NR6A1: variants seen among roughly 807,000 people sequenced by gnomAD.
NR6A1 encodes nuclear receptor subfamily 6 group A member 1.
Under a neutral mutation model 59.1 loss-of-function variants are expected in NR6A1, and 7 were observed. The ratio of observed to expected loss-of-function variants is 0.12; its 90% CI spans 0.07 to 0.22. The LOEUF (loss-of-function observed/expected upper bound fraction) is 0.22, where lower values mean the gene tolerates loss of function less well. Ranked by LOEUF, NR6A1 falls within the 10% of genes least tolerant of loss-of-function variation. The pLI, the probability that NR6A1 is intolerant of heterozygous loss-of-function variation, is 1.00. For missense variants in NR6A1, 468 were observed against 611.6 expected (o/e 0.77, Z 2.48); for synonymous variants, 243 against 236.1 (o/e 1.03, Z -0.27).
intron 2 of NR6A1, among the ~76,000 whole-genome samples, chr9:124,573,107 G>GA (rs1036616941): frequency 6.6e-6 from 1 of 152,086 alleles, no homozygotes; most frequent in South Asian, 2.1e-4. Flanking sequence ...AATGGGGTGG[G>GA]AAAAAAGAAG....
At chr9:124,749,756 G>A (rs1840442075) in intron 1 of NR6A1, among the ~76,000 whole-genome samples, 1 of 152,076 alleles carries the variant, frequency 6.6e-6, no homozygotes, top group Non-Finnish European at 1.5e-5. Flanking sequence ...AGTATACCCT[G>A]CCCCGCTAAA....
At chr9:124,581,757 T>C (rs545260311) in intron 2 of NR6A1, among the ~76,000 whole-genome samples, 1 of 152,012 alleles carries the variant, frequency 6.6e-6, no homozygotes, top group East Asian at 1.9e-4. Flanking sequence ...ATTGAAAAAG[T>C]GGGCCGAGGA....
intron 4 of NR6A1, among the ~76,000 whole-genome samples, chr9:124,541,219 T>C (rs6478669): frequency 0.24 from 35,833 of 151,870 alleles, 11,323 homozygotes; most frequent in African/African-American, 0.72. Context: ...GAATATATTA[T>C]CATACATTTG....
chr9:124,651,810 G>A (rs2130922631), intron 2 of NR6A1, among the ~76,000 whole-genome samples: 1 of 152,164 alleles, frequency 6.6e-6, no homozygotes, highest in South Asian at 2.1e-4. Flanking sequence ...CATTTTCCTG[G>A]CAGCCATAGA....
At chr9:124,699,333 A>C (rs1361849676) in intron 2 of NR6A1, among the ~76,000 whole-genome samples, 1 of 152,226 alleles carries the variant, frequency 6.6e-6, no homozygotes, top group Admixed American at 6.5e-5. Flanking sequence ...GGTTAAAAGA[A>C]GGCCTTTTCT....
At chr9:124,756,083 T>C (rs1167965833) in intron 1 of NR6A1, among the ~76,000 whole-genome samples, 2 of 152,248 alleles carry the variant, frequency 1.3e-5, no homozygotes, top group Non-Finnish European at 2.9e-5. Flanking sequence ...ACTTTAGTAG[T>C]ACCTCTTATT....
intron 1 of NR6A1, among the ~76,000 whole-genome samples, chr9:124,745,277 C>T (rs1454453818): frequency 6.6e-6 from 1 of 151,482 alleles, no homozygotes; most frequent in Non-Finnish European, 1.5e-5. Context: ...ACACTTTGGT[C>T]CATTTTCTCT....
intron 1 of NR6A1, among the ~76,000 whole-genome samples, chr9:124,734,377 T>G (rs1349900086): frequency 6.6e-6 from 1 of 152,176 alleles, no homozygotes; most frequent in Non-Finnish European, 1.5e-5. Flanking sequence ...AACTGTAGTA[T>G]TTCACCAGTA....
chr9:124,722,077 TA>T (rs1160822051), intron 2 of NR6A1, among the ~76,000 whole-genome samples: 1 of 152,248 alleles, frequency 6.6e-6, no homozygotes. Context: ...AGCCACATCA[TA>T]TTTTGTGTCT....
rs1206629847 is a variant in NR6A1 at position 124,540,179 on chromosome 9, T to A, written c.450A>T (p.Glu150Asp). The change falls in exon 5 of 10, where the codon GAA (glutamate) becomes GAT (aspartate). Residue 150 changes from glutamate (E) to aspartate (D), a missense_variant. By Grantham distance (45) the Glu-to-Asp change is conservative. This residue lies in a region of NR6A1 where 151 missense variants were observed against 142.8 expected (regional missense o/e 1.06). Coordinates refer to ENST00000487099, the MANE Select transcript of NR6A1 (RefSeq NM_033334.4). ...CAGACATGATCCTTTCGATTTCTTC[T>A]TCCGATATCTTTGACAAGGAATTGA... ...NKSIGPVQISEEEIERIMSGQ... is the reference protein window; with the variant it reads ...NKSIGPVQISDEEIERIMSGQ... 3 of 1,613,134 alleles carry A rather than the reference T, an allele frequency of 1.9e-6. No individual in the cohort carries two copies. Among genetic ancestry groups the A allele is most frequent in the Non-Finnish European group, 2.5e-6 (3 of 1,179,648 alleles).
rs1838365950 is a variant in NR6A1 at position 124,687,291 on chromosome 9, A to ATTTATTTATTTATTTATTTAT, written c.142+46016_142+46017insATAAATAAATAAATAAATAAA. ...ACATGCCACCACAGCCAGCTAATTA[A>ATTTATTTATTTATTTATTTAT]TTATTTATTTATTTATTTATTTATT... On this transcript the variant is annotated intron_variant, in intron 2 of 9. Coordinates refer to ENST00000487099, the MANE Select transcript of NR6A1 (RefSeq NM_033334.4). 9.8e-3 allele frequency among the ~76,000 whole-genome samples: 1,391 copies of ATTTATTTATTTATTTATTTAT among 142,158 alleles called. 38 individuals are homozygous for ATTTATTTATTTATTTATTTAT. The highest frequency in any genetic ancestry group is 0.036 in the African/African-American group (1,338 of 36,980). The allele number at this position is 142,158 out of a possible 152,430, so 93.3% of individuals were successfully genotyped here.
chr9:124,585,925 T>C (rs1834917287), intron 2 of NR6A1, among the ~76,000 whole-genome samples: 1 of 152,128 alleles, frequency 6.6e-6, no homozygotes, highest in African/African-American at 2.4e-5. Context: ...TATAGAATGG[T>C]TTACTAAATA....
At chr9:124,716,163 C>T (rs945019681) in intron 2 of NR6A1, among the ~76,000 whole-genome samples, 3 of 152,136 alleles carry the variant, frequency 2.0e-5, no homozygotes, top group Non-Finnish European at 4.4e-5. Context: ...CATGGTCATG[C>T]TACTGTACTC....
intron 2 of NR6A1, among the ~76,000 whole-genome samples, chr9:124,670,896 C>A (rs1226874734): frequency 1.3e-5 from 2 of 152,048 alleles, no homozygotes; most frequent in East Asian, 3.8e-4. Flanking sequence ...TGGGCCGTTG[C>A]AGTTATTCAG....
chr9:124,640,597 G>A (rs547547476), intron 2 of NR6A1, among the ~76,000 whole-genome samples: 14 of 151,894 alleles, frequency 9.2e-5, no homozygotes, highest in African/African-American at 1.5e-4. Flanking sequence ...ATGGGGTCTC[G>A]CTGTGTTGCC....
rs59770058 is a variant in NR6A1 at position 124,687,291 on chromosome 9, A to ATTAATTAATTAATTAATTAT, written c.142+46016_142+46017insATAATTAATTAATTAATTAA. Among the ~76,000 whole-genome samples the ATTAATTAATTAATTAATTAT allele has an allele frequency of 4.4e-4, 62 of 142,168 alleles. 1 individual carries two copies. Among genetic ancestry groups the ATTAATTAATTAATTAATTAT allele is most frequent in the South Asian group, 3.7e-3 (16 of 4,380 alleles). 93.3% of individuals were successfully genotyped at this position (142,168 alleles called of 152,430 possible). ...ACATGCCACCACAGCCAGCTAATTAATTATTTATTTATTTATTTATTTATT... is the reference window on the plus strand; with the variant it reads ...ACATGCCACCACAGCCAGCTAATTAATTAATTAATTAATTAATTATTTATTTATTTATTTATTTATTTATT... On this transcript the variant is annotated intron_variant, in intron 2 of 9. Transcript: ENST00000487099.
chr9:124,527,750 T>C (rs1319803705), intron 7 of NR6A1, among the ~76,000 whole-genome samples: 1 of 151,864 alleles, frequency 6.6e-6, no homozygotes, highest in Non-Finnish European at 1.5e-5. Context: ...GCTCTTTTCT[T>C]TGGGTCTAGG....
rs570559321 is a variant in NR6A1 at position 124,651,283 on chromosome 9, T to C, written c.142+82025A>G. On this transcript the variant is annotated intron_variant, in intron 2 of 9. Coordinates refer to ENST00000487099, the MANE Select transcript of NR6A1 (RefSeq NM_033334.4). The stretch of plus-strand genomic sequence containing the variant: ...CACGTCGCCCAGGCTGGTCTCAAAC[T>C]GCTGGGCTCAAGTGATCCGTCCACC... 5.9e-4 allele frequency among the ~76,000 whole-genome samples: 90 copies of C among 152,256 alleles called. 1 individual carries two copies. In the South Asian group the frequency reaches 0.018, roughly 31 times the overall value.
intron 2 of NR6A1, among the ~76,000 whole-genome samples, chr9:124,636,564 T>A (rs1187913816): frequency 6.6e-6 from 1 of 152,240 alleles, no homozygotes; most frequent in South Asian, 2.1e-4. Flanking sequence ...CATTTAGGTC[T>A]GTGATCCATT....
Sources: gnomAD v4.1 joint callset for allele counts (sites outside exome capture counted in the v4.1 genomes callset) on GRCh38, gnomAD v4.1.1 for gene constraint, gnomAD v4.1.1 regional missense constraint, MANE v1.5 for transcripts, NCBI Gene and HGNC (gene_info 2026-07-23, HGNC 2026-07-21) for gene names.